PTPRM: variants seen among roughly 807,000 people sequenced by gnomAD.
PTPRM encodes the protein protein tyrosine phosphatase receptor type M, also known as receptor-type tyrosine-protein phosphatase mu.
PTPRM carries 47 observed loss-of-function variants against 186.7 expected under a neutral mutation model. The ratio of observed to expected loss-of-function variants is 0.25; its 90% CI spans 0.20 to 0.32. PTPRM has a LOEUF of 0.32. Among genes scored for constraint, PTPRM ranks in the 10% least tolerant of loss-of-function variants. The pLI, the probability that PTPRM is intolerant of heterozygous loss-of-function variation, is 1.00. For missense variants in PTPRM, 1,494 were observed against 1,865.0 expected (o/e 0.80, Z 3.66); for synonymous variants, 668 against 674.9 (o/e 0.99, Z 0.16).
chr18:8,122,157 A>T (rs996174698), intron 13 of PTPRM: 2 of 151,450 alleles, frequency 1.3e-5, no homozygotes, highest in African/African-American at 4.9e-5. Context: ...TGATATACTG[A>T]TGGGGATTCT....
At chr18:8,192,442 C>T (rs1362376175) in intron 14 of PTPRM, among the ~76,000 whole-genome samples, 1 of 152,100 alleles carries the variant, frequency 6.6e-6, no homozygotes, top group Non-Finnish European at 1.5e-5. Flanking sequence ...CAAGGTTGTA[C>T]TCAAAGACTA....
rs1044960367 is a variant in PTPRM, at chr18:8,357,098, A to C, written c.3054+13578A>C. Among the ~76,000 whole-genome samples, 3 of 152,186 alleles carry C rather than the reference A, an allele frequency of 2.0e-5. No individual in the cohort carries two copies. The East Asian group carries it at 5.8e-4, about 29-fold the overall frequency. ...AACAGCAGAAAACGATTGAGTGTGG[A>C]TTGTTAAAGGGGAAAGATTCAGGAC... On this transcript the variant is annotated intron_variant, in intron 23 of 32. Transcript: ENST00000580170.
chr18:8,368,207 A>C (rs1404200378), intron 23 of PTPRM, among the ~76,000 whole-genome samples: 2 of 151,098 alleles, frequency 1.3e-5, no homozygotes, highest in Admixed American at 1.3e-4. Flanking sequence ...GTCCCATAAA[A>C]GCATCTTTGC....
chr18:7,756,281 T>C (rs1429695782), intron 1 of PTPRM, among the ~76,000 whole-genome samples: 2 of 152,212 alleles, frequency 1.3e-5, no homozygotes, highest in African/African-American at 4.8e-5. Flanking sequence ...ATTCTGTGCA[T>C]CCCTCATTCT....
intron 7 of PTPRM, among the ~76,000 whole-genome samples, chr18:7,967,005 G>A (rs1228278316): frequency 2.7e-4 from 30 of 109,544 alleles, no homozygotes; most frequent in African/African-American, 7.9e-4. Flanking sequence ...TGGGGGCAGG[G>A]CACAGACAAA....
chr18:8,216,101 C>G (rs1004762763), intron 14 of PTPRM, among the ~76,000 whole-genome samples: 2 of 152,130 alleles, frequency 1.3e-5, no homozygotes, highest in African/African-American at 2.4e-5. Flanking sequence ...GTTGCAAAAA[C>G]CCGTATTTCT....
intron 1 of PTPRM, among the ~76,000 whole-genome samples, chr18:7,739,076 C>T (rs2040835683): frequency 6.6e-6 from 1 of 152,132 alleles, no homozygotes. Flanking sequence ...CGTCGCACAT[C>T]ACAATCTGAT....
Position 8,268,042 on chromosome 18 carries a change from C to A in PTPRM, c.2754+14628C>A, listed in dbSNP as rs2147587074. Among the ~76,000 whole-genome samples, 6 of 152,158 alleles carry A rather than the reference C, an allele frequency of 3.9e-5. No homozygotes were observed. In the South Asian group the frequency reaches 1.2e-3, roughly 32 times the overall value. On this transcript the variant is annotated intron_variant, in intron 19 of 32. Coordinates refer to ENST00000580170, the MANE Select transcript of PTPRM (RefSeq NM_001105244.2). ...TCTGTAGAAACATGTTGTTAATTCT[C>A]AGTATTTGTGTTTCCATAATTTTAG...
At chr18:7,763,735 T>A (rs1022471875) in intron 1 of PTPRM, among the ~76,000 whole-genome samples, 1 of 152,216 alleles carries the variant, frequency 6.6e-6, no homozygotes, top group Non-Finnish European at 1.5e-5. Flanking sequence ...GAAGTACATT[T>A]AGTTGAGTTT....
At chr18:7,772,425 TCCCTTC>T (rs1184764612) in intron 1 of PTPRM, among the ~76,000 whole-genome samples, 45 of 133,984 alleles carry the variant, frequency 3.4e-4, no homozygotes, top group African/African-American at 5.0e-4. Flanking sequence ...TCTTTCTTTC[TCCCTTC>T]CCCTTCCCCT....
At chr18:7,980,204 C>T (rs1313168686) in intron 7 of PTPRM, among the ~76,000 whole-genome samples, 4 of 152,092 alleles carry the variant, frequency 2.6e-5, no homozygotes, top group Non-Finnish European at 5.9e-5. Context: ...TCTACTACCT[C>T]ACCTCTGCAC....
chr18:8,062,913 TTGTC>T (rs2088679335), intron 7 of PTPRM, among the ~76,000 whole-genome samples: 2 of 138,824 alleles, frequency 1.4e-5, no homozygotes, highest in Non-Finnish European at 3.1e-5. Flanking sequence ...GTCTTTTTGT[TTGTC>T]TGTGCCCTGC....
chr18:8,088,130 T>C (rs2090526166), intron 10 of PTPRM, among the ~76,000 whole-genome samples: 1 of 152,170 alleles, frequency 6.6e-6, no homozygotes, highest in Non-Finnish European at 1.5e-5. Flanking sequence ...GAAGCTCTTA[T>C]GCTAATTAAA....
At position 7,587,866 on chromosome 18, in the gene PTPRM, C is replaced by T. The variant is rs907962832; in HGVS notation, c.73+19975C>T. ...TCATCAAGCTGTCGGTAAAATCAGACGTGCTTTCTATCAGATAAAGTCTAA... is the reference window on the plus strand; with the variant it reads ...TCATCAAGCTGTCGGTAAAATCAGATGTGCTTTCTATCAGATAAAGTCTAA... On this transcript the variant is annotated intron_variant, in intron 1 of 32. Coordinates refer to ENST00000580170, the MANE Select transcript of PTPRM (RefSeq NM_001105244.2). Among the ~76,000 whole-genome samples the T allele has an allele frequency of 2.6e-5, 4 of 152,054 alleles. 1 individual carries two copies. The highest frequency in any genetic ancestry group is 4.2e-4 in the South Asian group (2 of 4,818).
chr18:7,706,872 C>T (rs2040105719), intron 1 of PTPRM, among the ~76,000 whole-genome samples: 1 of 151,934 alleles, frequency 6.6e-6, no homozygotes, highest in African/African-American at 2.4e-5. Context: ...GGAAAGAAAA[C>T]ATCAATTATT....
At chr18:8,201,650 G>C (rs2093859030) in intron 14 of PTPRM, among the ~76,000 whole-genome samples, 3 of 152,162 alleles carry the variant, frequency 2.0e-5, no homozygotes, top group Admixed American at 2.0e-4. Context: ...TCTCTCCCTG[G>C]TGTGTGGATG....
At chr18:8,133,613 C>T (rs1001117630) in intron 13 of PTPRM, among the ~76,000 whole-genome samples, 4 of 152,014 alleles carry the variant, frequency 2.6e-5, no homozygotes, top group Admixed American at 6.6e-5. Flanking sequence ...TTTGAACCTA[C>T]ACAAATTGAG....
Position 7,572,643 on chromosome 18 carries a change from A to T in PTPRM, c.73+4752A>T, listed in dbSNP as rs1349373225. Among the ~76,000 whole-genome samples, 3 of 152,152 alleles carry T rather than the reference A, an allele frequency of 2.0e-5. No individual in the cohort carries two copies. In the East Asian group the frequency reaches 5.8e-4, roughly 29 times the overall value. On this transcript the variant is annotated intron_variant, in intron 1 of 32. Transcript: ENST00000580170. ...GGAATCAGGCATTTTAATGAGTTTT[A>T]TGCTTTTCAACAGTGAAACATTTTT...
chr18:8,213,145 A>G (rs2094030429), intron 14 of PTPRM, among the ~76,000 whole-genome samples: 1 of 152,342 alleles, frequency 6.6e-6, no homozygotes, highest in Non-Finnish European at 1.5e-5. Context: ...ATTTCATCAT[A>G]GGGTTTACAG....
Sources: gnomAD v4.1 joint callset for allele counts (sites outside exome capture counted in the v4.1 genomes callset) on GRCh38, gnomAD v4.1.1 for gene constraint, MANE v1.5 for transcripts, NCBI Gene and HGNC (gene_info 2026-07-23, HGNC 2026-07-21) for gene names.